SYNE2: variants seen among roughly 807,000 people sequenced by gnomAD.
SYNE2 encodes spectrin repeat containing nuclear envelope protein 2.
Under a neutral mutation model 856.3 loss-of-function variants are expected in SYNE2, and 431 were observed. The observed-to-expected ratio is 0.50, with a 90% CI of 0.47 to 0.55. The LOEUF (loss-of-function observed/expected upper bound fraction) is 0.55, where lower values mean the gene tolerates loss of function less well. Ranked by LOEUF, SYNE2 falls within the 20% of genes least tolerant of loss-of-function variation. The probability of loss-of-function intolerance (pLI) is 0.00; values close to 1 mark genes in which losing one functional copy is unlikely to be tolerated. For synonymous variants in SYNE2, 2,923 were observed against 2,872.3 expected (o/e 1.02, Z -0.56); for missense variants, 8,129 against 8,023.2 (o/e 1.01, Z -0.50).
At chr14:64,070,988 A>G in intron 52 of SYNE2, 78 bp downstream of exon 52, 2 of 1,437,582 alleles carry the variant, frequency 1.4e-6, no homozygotes, top group Admixed American at 1.7e-5. Context: ...AAAGTATAGA[A>G]TAATGGCAAA....
At chr14:63,993,531 C>G (rs760339043) in intron 21 of SYNE2, among the ~76,000 whole-genome samples, 1 of 152,180 alleles carries the variant, frequency 6.6e-6, no homozygotes, top group Non-Finnish European at 1.5e-5. Context: ...TTTATAATTA[C>G]TTATCAATGG....
intron 45 of SYNE2, among the ~76,000 whole-genome samples, chr14:64,043,563 G>C (rs1174487511): frequency 3.9e-5 from 6 of 152,134 alleles, no homozygotes; most frequent in African/African-American, 1.4e-4. Flanking sequence ...TCTAGCGACC[G>C]AGTGCCCTGT....
intron 57 of SYNE2, among the ~76,000 whole-genome samples, chr14:64,082,739 T>C (rs989067030): frequency 1.4e-4 from 22 of 152,206 alleles, no homozygotes; most frequent in Non-Finnish European, 7.3e-5. Flanking sequence ...CTTTGTTTTG[T>C]TTTAAGCCAT....
chr14:64,149,360 T>C (rs764619768), intron 84 of SYNE2, among the ~76,000 whole-genome samples: 2 of 152,166 alleles, frequency 1.3e-5, no homozygotes, highest in African/African-American at 2.4e-5. Flanking sequence ...ATGTATACTT[T>C]AATGACTTAT....
At chr14:63,976,484 T>A (rs1293339729) in intron 11 of SYNE2, 79 bp from the exon 12 acceptor site, 7 of 1,468,436 alleles carry the variant, frequency 4.8e-6, no homozygotes, top group Non-Finnish European at 5.6e-6. Context: ...CTTCAAAGAA[T>A]CAAACATACT....
Position 64,226,231 on chromosome 14 carries a change from T to TAA in SYNE2, c.*707_*708dup, listed in dbSNP as rs1039891892. 2.6e-5 allele frequency: 4 copies of TAA among 151,782 alleles called. No individual in the cohort carries two copies. Among genetic ancestry groups the TAA allele is most frequent in the African/African-American group, 9.7e-5 (4 of 41,104 alleles). The allele number at this position is 151,782 out of a possible 1,614,324, so 9.4% of individuals were successfully genotyped here. A position where few individuals can be genotyped will look rare whatever the true frequency, so the allele number is the denominator to read the frequency against. ...GCTGGAGCTTTTGACTAATGTAAAG[T>TAA]AAATGCCAAACTACCGACTTGATAG... On this transcript the variant is annotated 3_prime_UTR_variant, in exon 116 of 116. Transcript: ENST00000555002.
chr14:64,221,958 T>C (rs188843091), intron 112 of SYNE2, among the ~76,000 whole-genome samples: 1 of 152,190 alleles, frequency 6.6e-6, no homozygotes, highest in Non-Finnish European at 1.5e-5. Flanking sequence ...CTCGATATCC[T>C]GAGGAACTTA....
At chr14:64,165,147 A>T in intron 89 of SYNE2, 138 bp from the exon 90 acceptor site, 2 of 842,728 alleles carry the variant, frequency 2.4e-6, no homozygotes, top group Non-Finnish European at 3.9e-6. Context: ...TCGGCCTCCC[A>T]AAGTGCTGGG....
rs2097232577 is a variant in SYNE2, at chr14:64,052,192, A to C, written c.8279A>C (p.Asp2760Ala). ...LNPSIPLLPD[D>A]ILSQIRKCKV... ...CCCTCCATTCCCCTTCTCCCAGATG[A>C]CATTCTTTCACAGATCAGAAAGTGC... Residue 2760 changes from aspartate to alanine, a missense_variant, in exon 48 of 116, where the codon GAC becomes GCC. By Grantham distance (126) the Asp-to-Ala change is moderately radical. This residue lies in a region of SYNE2 where 5,410 missense variants were observed against 5,284.8 expected (regional missense o/e 1.02). Coordinates refer to ENST00000555002, the MANE Select transcript of SYNE2 (RefSeq NM_182914.3). 1.2e-6 allele frequency: 2 copies of C among 1,614,066 alleles called. No individual in the cohort carries two copies. Among genetic ancestry groups the C allele is most frequent in the South Asian group, 2.2e-5 (2 of 91,090 alleles).
intron 28 of SYNE2, among the ~76,000 whole-genome samples, chr14:64,001,329 GAGAA>G (rs1169120006): frequency 6.6e-6 from 1 of 152,176 alleles, no homozygotes; most frequent in East Asian, 1.9e-4. Flanking sequence ...TATTTCAAAA[GAGAA>G]AGGCTTAGTA....
At chr14:64,084,756 T>A (rs577838516) in intron 57 of SYNE2, 32 of 510,448 alleles carry the variant, frequency 6.3e-5, no homozygotes, top group African/African-American at 5.5e-4. Flanking sequence ...AACAAACTTA[T>A]TATCACAGTT....
intron 1 of SYNE2, among the ~76,000 whole-genome samples, chr14:63,777,675 A>C (rs1156712675): frequency 1.3e-5 from 2 of 152,134 alleles, no homozygotes; most frequent in African/African-American, 4.8e-5. Flanking sequence ...TACAATAATA[A>C]TATATATTTT....
chr14:64,106,142 C>A (rs570287501), intron 64 of SYNE2, among the ~76,000 whole-genome samples: 23 of 147,574 alleles, frequency 1.6e-4, no homozygotes, highest in African/African-American at 5.4e-4. Context: ...ACCCCCCCCC[C>A]CAACCAACAC....
intron 17 of SYNE2, 126 bp from the exon 18 acceptor site, chr14:63,983,611 T>C: frequency 1.3e-6 from 1 of 790,252 alleles, no homozygotes; most frequent in Admixed American, 2.7e-5. Flanking sequence ...GCTCATATTT[T>C]ATAACACTGT....
rs780671678 is a variant in SYNE2, at chr14:64,223,407, T to A, written c.20382+27T>A. On this transcript the variant is annotated intron_variant, in intron 113 of 115. Coordinates refer to ENST00000555002, the MANE Select transcript of SYNE2 (RefSeq NM_182914.3). ...TGAGTCTACTTGTAGCTTTTAACTG[T>A]AAAGATTGCCGTATTACATGCAGAC... 8.7e-6 allele frequency: 14 copies of A among 1,611,832 alleles called. No individual in the cohort carries two copies. In the Admixed American group the frequency reaches 1.0e-4, roughly 12 times the overall value.
chr14:63,857,953 T>A (rs1242004895), intron 1 of SYNE2, among the ~76,000 whole-genome samples: 1 of 152,158 alleles, frequency 6.6e-6, no homozygotes, highest in African/African-American at 2.4e-5. Flanking sequence ...GGGTAATTTA[T>A]AATGAACAGA....
intron 2 of SYNE2, among the ~76,000 whole-genome samples, chr14:63,931,583 A>G (rs1218913313): frequency 6.6e-6 from 1 of 152,026 alleles, no homozygotes; most frequent in Non-Finnish European, 1.5e-5. Context: ...GAAAGAAACA[A>G]AAAGAGAAGA....
chr14:63,836,292 G>T (rs1434953860), intron 1 of SYNE2, among the ~76,000 whole-genome samples: 2 of 152,134 alleles, frequency 1.3e-5, no homozygotes, highest in Admixed American at 6.6e-5. Context: ...CCAAAGTGCT[G>T]GGATTATGGG....
chr14:64,028,166 A>T (rs2096996845), intron 43 of SYNE2, among the ~76,000 whole-genome samples: 1 of 152,054 alleles, frequency 6.6e-6, no homozygotes, highest in Non-Finnish European at 1.5e-5. Flanking sequence ...TGGCCTCCCA[A>T]AGTGCTGGGA....
Sources: allele counts gnomAD v4.1 joint callset (sites outside exome capture counted in the v4.1 genomes callset), GRCh38; gene constraint gnomAD v4.1.1; regional missense constraint gnomAD v4.1.1; transcripts MANE v1.5; gene names NCBI Gene and HGNC (gene_info 2026-07-23, HGNC 2026-07-21).